Variants in BICC1 observed in about 807,000 individuals in gnomAD.
BICC1 encodes the protein protein bicaudal C homolog 1.
A neutral mutation model predicts 111.0 loss-of-function variants in BICC1; 43 were observed. The ratio of observed to expected loss-of-function variants is 0.39; its 90% CI spans 0.30 to 0.50. The LOEUF is 0.50. Ranked by LOEUF, BICC1 falls within the 20% of genes least tolerant of loss-of-function variation. The pLI is 0.88. For missense variants in BICC1, 1,091 were observed against 1,203.2 expected, an observed-to-expected ratio of 0.91 and a Z score of 1.38; for synonymous variants, 467 against 434.4, an observed-to-expected ratio of 1.07 and a Z score of -0.93.
Position 58,800,260 on chromosome 10 carries a change from C to G in BICC1, c.1792C>G (p.His598Asp). ...SLGEKVLSAN[H>D]GDPSIQTSGS... ...TGGAGAAAAAGTGCTGAGTGCAAAT[C>G]ACGGGGATCCGTCCATCCAGACAAG... The change falls in exon 13 of 21, where the codon CAC becomes GAC. Residue 598 changes from histidine to aspartate, a missense_variant. His to Asp is a moderately conservative substitution (Grantham distance 81). Around this residue, in one of 3 missense-constraint regions of BICC1, gnomAD observed 843 missense variants for 900.8 expected, o/e 0.94. Coordinates refer to ENST00000373886, the MANE Select transcript of BICC1 (RefSeq NM_001080512.3). 6.2e-7 allele frequency: 1 copy of G among 1,613,432 alleles called. No individual in the cohort carries two copies. Among genetic ancestry groups the G allele is most frequent in the Non-Finnish European group, 8.5e-7 (1 of 1,179,626 alleles).
intron 1 of BICC1, among the ~76,000 whole-genome samples, chr10:58,521,583 C>T (rs73294371): frequency 0.025 from 3,872 of 152,000 alleles, 179 homozygotes; most frequent in African/African-American, 0.089. Context: ...GTAATCTGCT[C>T]CTTATACCTG....
rs766123682 is a variant in BICC1 at position 58,776,316 on chromosome 10, TA to T, written c.308-8680del. 3.9e-5 allele frequency among the ~76,000 whole-genome samples: 6 copies of T among 152,186 alleles called. No homozygotes were observed. The South Asian group carries it at 6.2e-4, about 16-fold the overall frequency. On this transcript the variant is annotated intron_variant, in intron 3 of 20. Transcript: ENST00000373886. The stretch of plus-strand genomic sequence containing the variant: ...TTTTCACGAAGAGTCCCAGCTGTTG[TA>T]AAAAGGAACAATCTGCCCTGGCTAC...
At chr10:58,738,032 G>A (rs1243843192) in intron 3 of BICC1, among the ~76,000 whole-genome samples, 1 of 152,132 alleles carries the variant, frequency 6.6e-6, no homozygotes, top group African/African-American at 2.4e-5. Flanking sequence ...CTCCCATTCT[G>A]TAGGTTGCCT....
intron 2 of BICC1, among the ~76,000 whole-genome samples, chr10:58,657,042 A>G (rs1210111141): frequency 6.6e-6 from 1 of 152,076 alleles, no homozygotes; most frequent in African/African-American, 2.4e-5. Context: ...CTCCAGCCCC[A>G]TCTTTCTCCA....
At chr10:58,529,375 G>GT (rs1276651840) in intron 1 of BICC1, among the ~76,000 whole-genome samples, 1 of 151,808 alleles carries the variant, frequency 6.6e-6, no homozygotes, top group Non-Finnish European at 1.5e-5. Flanking sequence ...TTTCAGAATT[G>GT]TTTTAATTGC....
At chr10:58,538,908 T>A (rs1842891258) in intron 1 of BICC1, among the ~76,000 whole-genome samples, 1 of 151,784 alleles carries the variant, frequency 6.6e-6, no homozygotes, top group Non-Finnish European at 1.5e-5. Flanking sequence ...GAATGACCAT[T>A]ATTAAAAATT....
chr10:58,689,460 A>G (rs947231154), intron 2 of BICC1, among the ~76,000 whole-genome samples: 7 of 152,154 alleles, frequency 4.6e-5, no homozygotes, highest in African/African-American at 1.2e-4. Context: ...TCACTTGTGC[A>G]CAGAAGATTG....
chr10:58,758,295 A>G (rs973599767), intron 3 of BICC1, among the ~76,000 whole-genome samples: 1 of 152,218 alleles, frequency 6.6e-6, no homozygotes, highest in Non-Finnish European at 1.5e-5. Context: ...TAGATTTGAC[A>G]TTATATAGGA....
intron 6 of BICC1, 146 bp from the exon 7 acceptor site, chr10:58,789,115 AC>A: frequency 1.6e-6 from 1 of 638,488 alleles, no homozygotes; most frequent in Non-Finnish European, 2.5e-6. Flanking sequence ...AAAAAAAAAA[AC>A]TTTATATAAT....
chr10:58,820,119 G>T (rs925015652), intron 19 of BICC1, among the ~76,000 whole-genome samples: 1 of 152,072 alleles, frequency 6.6e-6, no homozygotes, highest in Non-Finnish European at 1.5e-5. Context: ...TCACAAAAAT[G>T]GTACAATCTT....
intron 1 of BICC1, among the ~76,000 whole-genome samples, chr10:58,602,522 T>C (rs2132077222): frequency 6.6e-6 from 1 of 152,286 alleles, no homozygotes; most frequent in East Asian, 1.9e-4. Flanking sequence ...TAAATTATAA[T>C]CAGATGTTAG....
intron 2 of BICC1, among the ~76,000 whole-genome samples, chr10:58,621,903 T>TTAGAATAGAA (rs60609267): frequency 0.13 from 5,646 of 44,718 alleles, 440 homozygotes; most frequent in East Asian, 0.16. Context: ...GTCTCTAAAA[T>TTAGAATAGAA]TAGAATAGAA....
chr10:58,789,121 T>C, intron 6 of BICC1, 141 bp from the exon 7 acceptor site: 1 of 660,266 alleles, frequency 1.5e-6, no homozygotes, highest in Non-Finnish European at 2.4e-6. Flanking sequence ...AAAAACTTTA[T>C]ATAATGTAGC....
At chr10:58,603,803 C>T (rs915577833) in intron 1 of BICC1, among the ~76,000 whole-genome samples, 1 of 152,086 alleles carries the variant, frequency 6.6e-6, no homozygotes, top group African/African-American at 2.4e-5. Flanking sequence ...AGGCCAATAA[C>T]ATTCTGTTCG....
At chr10:58,758,501 C>T (rs1842209343) in intron 3 of BICC1, among the ~76,000 whole-genome samples, 1 of 152,184 alleles carries the variant, frequency 6.6e-6, no homozygotes, top group South Asian at 2.1e-4. Flanking sequence ...AGTTTTTCTC[C>T]TCTTCCCTAT....
chr10:58,568,508 A>G (rs1843840453), intron 1 of BICC1, among the ~76,000 whole-genome samples: 1 of 152,122 alleles, frequency 6.6e-6, no homozygotes, highest in Middle Eastern at 3.2e-3. Flanking sequence ...GTTCACCTCA[A>G]AGATTAAACT....
chr10:58,648,495 G>A (rs1838338161), intron 2 of BICC1: 1 of 984,498 alleles, frequency 1.0e-6, no homozygotes, highest in South Asian at 4.7e-5. Context: ...TTGTATGCTG[G>A]CCACTCCACT....
At chr10:58,541,800 A>G (rs1465983412) in intron 1 of BICC1, among the ~76,000 whole-genome samples, 4 of 152,114 alleles carry the variant, frequency 2.6e-5, no homozygotes, top group Non-Finnish European at 2.9e-5. Flanking sequence ...GTCCTGACTT[A>G]AAAACATATT....
rs780233534 is a variant in BICC1 at position 58,768,278 on chromosome 10, C to T, written c.308-16723C>T. Among the ~76,000 whole-genome samples, 9 of 152,218 alleles carry T rather than the reference C, an allele frequency of 5.9e-5. No homozygotes were observed. In the South Asian group the frequency reaches 1.0e-3, roughly 18 times the overall value. On this transcript the variant is annotated intron_variant, in intron 3 of 20. Coordinates refer to ENST00000373886, the MANE Select transcript of BICC1 (RefSeq NM_001080512.3). ...AGTTGACTTCTCAGCAGAAATCCCA[C>T]GGGTCACGAAGGAGTGGGATGATAT... is the stretch of plus-strand genomic sequence containing the variant.
Sources: gnomAD v4.1 joint callset for allele counts (sites outside exome capture counted in the v4.1 genomes callset) on GRCh38, gnomAD v4.1.1 for gene constraint, gnomAD v4.1.1 regional missense constraint, MANE v1.5 for transcripts, NCBI Gene and HGNC (gene_info 2026-07-23, HGNC 2026-07-21) for gene names.